The following GALNT13 variants were observed in gnomAD, a reference collection of about 807,000 sequenced individuals.
GALNT13 encodes the protein UDP-GalNAc:polypeptide N-acetylgalactosaminyltransferase 13.
GALNT13 carries 28 observed loss-of-function variants against 64.2 expected under a neutral mutation model. That is an observed-to-expected ratio of 0.44 (90% CI 0.32 to 0.60). The LOEUF (loss-of-function observed/expected upper bound fraction) is 0.60. Ranked by LOEUF, GALNT13 falls within the 20% of genes least tolerant of loss-of-function variation. The pLI is 0.05. For synonymous variants in GALNT13, 214 were observed against 224.6 expected, an observed-to-expected ratio of 0.95 and a Z score of 0.42; for missense variants, 577 against 669.8, an observed-to-expected ratio of 0.86 and a Z score of 1.53.
chr2:153,483,618 G>C, the GALNT13 span, among the ~76,000 whole-genome samples: 1 of 151,948 alleles, frequency 6.6e-6, no homozygotes, highest in Non-Finnish European at 1.5e-5. Flanking sequence ...GTTTATCCAT[G>C]TTGGTCAGGC....
the GALNT13 span, chr2:153,446,692 T>G: frequency 3.3e-5 from 5 of 152,170 alleles, no homozygotes; most frequent in South Asian, 8.3e-4. Flanking sequence ...TTTTAAAGCA[T>G]TTTTCAGAAT....
chr2:153,921,210 A>G (rs1043494405), intron 2 of GALNT13, among the ~76,000 whole-genome samples: 1 of 152,196 alleles, frequency 6.6e-6, no homozygotes, highest in African/African-American at 2.4e-5. Flanking sequence ...AATAGCAGAC[A>G]TGAAATCAAC....
intron 9 of GALNT13, among the ~76,000 whole-genome samples, chr2:154,302,117 C>A (rs1396252264): frequency 1.3e-5 from 2 of 151,736 alleles, no homozygotes; most frequent in African/African-American, 4.8e-5. Context: ...ATGGGTAATT[C>A]TTTTCCCTAT....
At chr2:153,488,554 C>A in the GALNT13 span, among the ~76,000 whole-genome samples, 26,870 of 152,064 alleles carry the variant, frequency 0.18, 2,615 homozygotes, top group Admixed American at 0.29. Context: ...TCTTGAATCT[C>A]GCTGATGGTC....
At chr2:154,141,494 C>T (rs1258721522) in intron 4 of GALNT13, among the ~76,000 whole-genome samples, 1 of 151,838 alleles carries the variant, frequency 6.6e-6, no homozygotes, top group Admixed American at 6.6e-5. Flanking sequence ...CTTTTAAAAA[C>T]GAAGACACAA....
the GALNT13 span, among the ~76,000 whole-genome samples, chr2:153,475,484 G>A: frequency 1.3e-5 from 2 of 152,198 alleles, no homozygotes; most frequent in Non-Finnish European, 2.9e-5. Context: ...GGAAAGAGAT[G>A]TGAAGAAATA....
chr2:154,434,758 CAG>C lies in GALNT13; in HGVS notation c.1396-3832_1396-3831del, dbSNP rs1336845455. ...GACAACATGAACATTAAGTGTGAAACAGAATTTTAAAAACACTATAAATTACT... is the reference window on the plus strand; with the variant it reads ...GACAACATGAACATTAAGTGTGAAACAATTTTAAAAACACTATAAATTACT... On this transcript the variant is annotated intron_variant, in intron 11 of 12. Coordinates refer to ENST00000392825, the MANE Select transcript of GALNT13 (RefSeq NM_052917.4). Among the ~76,000 whole-genome samples the C allele has an allele frequency of 4.0e-5, 6 of 151,650 alleles. No homozygotes were observed. In the East Asian group the frequency reaches 7.8e-4, roughly 20 times the overall value.
intron 4 of GALNT13, among the ~76,000 whole-genome samples, chr2:154,152,081 T>A (rs1182454004): frequency 6.6e-5 from 10 of 152,340 alleles, no homozygotes; most frequent in African/African-American, 2.2e-4. Context: ...GTTGTTCCTT[T>A]CCATGTTCAG....
chr2:153,686,149 A>G, the GALNT13 span, among the ~76,000 whole-genome samples: 2 of 151,920 alleles, frequency 1.3e-5, no homozygotes, highest in South Asian at 2.1e-4. Context: ...TTCCCTATGA[A>G]TTTTAAAATG....
chr2:153,827,941 AG>A, the GALNT13 span, among the ~76,000 whole-genome samples: 1 of 152,226 alleles, frequency 6.6e-6, no homozygotes, highest in Admixed American at 6.5e-5. Flanking sequence ...GGCCAAAACA[AG>A]GGGGCTACAG....
At chr2:153,199,406 G>T in the GALNT13 span, among the ~76,000 whole-genome samples, 1 of 152,180 alleles carries the variant, frequency 6.6e-6, no homozygotes, top group Non-Finnish European at 1.5e-5. Flanking sequence ...CTGGTTGACA[G>T]TTCTCAAGGG....
the GALNT13 span, among the ~76,000 whole-genome samples, chr2:153,558,688 G>C: frequency 6.6e-6 from 1 of 152,206 alleles, no homozygotes; most frequent in African/African-American, 2.4e-5. Flanking sequence ...TCCCCAAAGG[G>C]GAAAATAATT....
intron 9 of GALNT13, among the ~76,000 whole-genome samples, chr2:154,339,039 G>A (rs535657468): frequency 1.4e-4 from 22 of 152,190 alleles, no homozygotes; most frequent in Admixed American, 8.5e-4. Context: ...AAGACAATAC[G>A]GTTGTAAAAA....
the GALNT13 span, among the ~76,000 whole-genome samples, chr2:153,845,065 C>G: frequency 6.6e-6 from 1 of 152,294 alleles, no homozygotes; most frequent in Admixed American, 6.5e-5. Flanking sequence ...TTCCCATCTT[C>G]TTTCAAGCCC....
intron 3 of GALNT13, among the ~76,000 whole-genome samples, chr2:154,054,093 T>C (rs942369931): frequency 1.3e-5 from 2 of 152,104 alleles, no homozygotes; most frequent in African/African-American, 4.8e-5. Flanking sequence ...TAACAAAACA[T>C]TATTCTTGCA....
At chr2:154,150,334 A>T (rs1167340872) in intron 4 of GALNT13, among the ~76,000 whole-genome samples, 1 of 152,088 alleles carries the variant, frequency 6.6e-6, no homozygotes, top group Non-Finnish European at 1.5e-5. Flanking sequence ...GTTTGCCAGT[A>T]TTTTATTGAG....
chr2:153,716,935 T>C, the GALNT13 span, among the ~76,000 whole-genome samples: 9 of 152,144 alleles, frequency 5.9e-5, no homozygotes, highest in Admixed American at 2.0e-4. Flanking sequence ...CCTTTCAAGA[T>C]GAATCCTGAA....
chr2:153,389,395 G>T, the GALNT13 span, among the ~76,000 whole-genome samples: 108 of 152,112 alleles, frequency 7.1e-4, no homozygotes, highest in Non-Finnish European at 1.3e-3. Flanking sequence ...GCTGGGGAAC[G>T]GAAAGCTTGT....
rs951874694 is a variant in GALNT13, at chr2:154,217,981, C to A, written c.312-24049C>A. 3.9e-5 allele frequency among the ~76,000 whole-genome samples: 6 copies of A among 152,098 alleles called. No homozygotes were observed. The East Asian group carries it at 1.2e-3, about 29-fold the overall frequency. On this transcript the variant is annotated intron_variant, in intron 4 of 12. Transcript: ENST00000392825. ...AATGACAGGAAAAGATCAGGATTAT[C>A]TTCTGCAAGATATCCAACAAGCCTA... is the stretch of plus-strand genomic sequence containing the variant.
Sources: gnomAD v4.1 joint callset for allele counts (sites outside exome capture counted in the v4.1 genomes callset) on GRCh38, gnomAD v4.1.1 for gene constraint, MANE v1.5 for transcripts, NCBI Gene and HGNC (gene_info 2026-07-23, HGNC 2026-07-21) for gene names.